ARMC3: variants seen among roughly 807,000 people sequenced by gnomAD.
ARMC3 encodes the protein armadillo repeat-containing protein 3.
Under a neutral mutation model 90.3 loss-of-function variants are expected in ARMC3, and 74 were observed. The ratio of observed to expected loss-of-function variants is 0.82; its 90% CI spans 0.68 to 0.99. The LOEUF (loss-of-function observed/expected upper bound fraction) is 0.99. Ranked by LOEUF, ARMC3 falls within the 50% of genes least tolerant of loss-of-function variation. The pLI, the probability that ARMC3 is intolerant of heterozygous loss-of-function variation, is 0.00. For missense variants in ARMC3, 958 were observed against 1,042.8 expected (o/e 0.92, Z 1.12); for synonymous variants, 334 against 361.8 (o/e 0.92, Z 0.87).
intron 10 of ARMC3, among the ~76,000 whole-genome samples, chr10:22,989,343 A>G (rs1772914604): frequency 6.6e-6 from 1 of 152,168 alleles, no homozygotes; most frequent in Non-Finnish European, 1.5e-5. Flanking sequence ...TGACGCATTC[A>G]TTGTACCGGT....
rs1839200964 is a variant in ARMC3, at chr10:23,038,520, A to G, written c.*1041A>G. Reference sequence around the variant, plus strand: ...TTATTTCAGAATAAATTTATTTCAAATGGCGTGGTAATTATATTTATCATA... The same window carrying G: ...TTATTTCAGAATAAATTTATTTCAAGTGGCGTGGTAATTATATTTATCATA... On this transcript the variant is annotated 3_prime_UTR_variant, in exon 19 of 19. Transcript: ENST00000298032. 6.6e-6 allele frequency: 1 copy of G among 152,144 alleles called. No individual in the cohort carries two copies. Among genetic ancestry groups the G allele is most frequent in the Non-Finnish European group, 1.5e-5 (1 of 68,016 alleles). 9.4% of individuals were successfully genotyped at this position (152,144 alleles called of 1,614,324 possible).
chr10:23,034,042 A>G (rs974447853), intron 18 of ARMC3, among the ~76,000 whole-genome samples: 2 of 152,216 alleles, frequency 1.3e-5, no homozygotes, highest in African/African-American at 4.8e-5. Flanking sequence ...AAACACTTAT[A>G]AACATCATTG....
At chr10:23,010,371 CTT>C in intron 16 of ARMC3, among the ~76,000 whole-genome samples, 1 of 116,090 alleles carries the variant, frequency 8.6e-6, no homozygotes, top group Admixed American at 9.0e-5. Context: ...CTCCCCTTTC[CTT>C]CCCTTCCTTC....
intron 4 of ARMC3, among the ~76,000 whole-genome samples, chr10:22,958,450 A>G (rs1488421890): frequency 6.6e-6 from 1 of 152,174 alleles, no homozygotes. Flanking sequence ...CTATTACACA[A>G]TAAATAAACG....
At chr10:22,966,873 A>G (rs1455881833) in intron 7 of ARMC3, among the ~76,000 whole-genome samples, 2 of 151,560 alleles carry the variant, frequency 1.3e-5, no homozygotes, top group Non-Finnish European at 2.9e-5. Context: ...TGATCCAATC[A>G]CCTCCCATCA....
intron 8 of ARMC3, among the ~76,000 whole-genome samples, chr10:22,970,388 C>T (rs182545327): frequency 6.6e-6 from 1 of 152,270 alleles, no homozygotes; most frequent in African/African-American, 2.4e-5. Context: ...ACTGAGCGCT[C>T]AGGCTATGGA....
At chr10:23,006,063 C>T (rs1379249114) in intron 13 of ARMC3, among the ~76,000 whole-genome samples, 1 of 151,978 alleles carries the variant, frequency 6.6e-6, no homozygotes, top group South Asian at 2.1e-4. Flanking sequence ...ACCTTAGTCC[C>T]GGGCAAATCT....
At chr10:22,974,768 A>C (rs537814920) in intron 8 of ARMC3, among the ~76,000 whole-genome samples, 1 of 151,984 alleles carries the variant, frequency 6.6e-6, no homozygotes, top group Admixed American at 6.6e-5. Flanking sequence ...CCAGCCTCCC[A>C]AGTAGCTGGG....
chr10:23,034,060 A>G lies in ARMC3; in HGVS notation c.2409+1037A>G, dbSNP rs79280199. Among the ~76,000 whole-genome samples the G allele has an allele frequency of 6.2e-3, 951 of 152,246 alleles. 6 individuals are homozygous for G. Among genetic ancestry groups the G allele is most frequent in the African/African-American group, 0.022 (914 of 41,556 alleles). On this transcript the variant is annotated intron_variant, in intron 18 of 18. Transcript: ENST00000298032. ...CACTTATAAACATCATTGCATTCACATGCAGCTTACCTCCAGTTCCAAGCG... is the reference window on the plus strand; with the variant it reads ...CACTTATAAACATCATTGCATTCACGTGCAGCTTACCTCCAGTTCCAAGCG...
intron 4 of ARMC3, among the ~76,000 whole-genome samples, chr10:22,958,643 G>A (rs1835055505): frequency 6.6e-6 from 1 of 152,204 alleles, no homozygotes; most frequent in Middle Eastern, 3.4e-3. Flanking sequence ...TTGTGGTTTT[G>A]AGCCTCAATT....
intron 13 of ARMC3, among the ~76,000 whole-genome samples, chr10:23,004,790 C>A (rs1053623747): frequency 1.3e-5 from 2 of 152,176 alleles, no homozygotes; most frequent in Non-Finnish European, 2.9e-5. Context: ...CTGCCTCCCC[C>A]ACCTCCTGCC....
In ARMC3 at chr10:23,037,512, A is replaced by T; in HGVS notation, c.*33A>T. 4 of 1,570,358 alleles carry T rather than the reference A, an allele frequency of 2.5e-6. No homozygotes were observed. Among genetic ancestry groups the T allele is most frequent in the Non-Finnish European group, 3.5e-6 (4 of 1,147,126 alleles). On this transcript the variant is annotated 3_prime_UTR_variant, in exon 19 of 19. Transcript: ENST00000298032. ...GACGAACACAAGAGAGGCTCAAACA[A>T]GAAATTCACTGTGTACACTCTCTAA...
rs1047094129 is a variant in ARMC3 at position 22,982,378 on chromosome 10, T to TCAAA, written c.1175+696_1175+699dup. On this transcript the variant is annotated intron_variant, in intron 10 of 18. Coordinates refer to ENST00000298032, the MANE Select transcript of ARMC3 (RefSeq NM_173081.5). ...GGGTGCAACAGAGCGAGGCTCCGCTTCAAACAAACAAACAAACAAACCAAA... is the reference window on the plus strand; with the variant it reads ...GGGTGCAACAGAGCGAGGCTCCGCTTCAAACAAACAAACAAACAAACAAACCAAA... Among the ~76,000 whole-genome samples, 18 of 152,322 alleles carry TCAAA rather than the reference T, an allele frequency of 1.2e-4. 1 individual carries two copies. In the South Asian group the frequency reaches 2.7e-3, roughly 23 times the overall value.
At chr10:23,034,616 C>T (rs1232992032) in intron 18 of ARMC3, among the ~76,000 whole-genome samples, 2 of 152,180 alleles carry the variant, frequency 1.3e-5, no homozygotes, top group African/African-American at 4.8e-5. Context: ...AGCTCCTTGT[C>T]ATTCTTTGGC....
At chr10:23,021,854 T>C (rs1838527331) in intron 16 of ARMC3, among the ~76,000 whole-genome samples, 1 of 152,198 alleles carries the variant, frequency 6.6e-6, no homozygotes, top group Non-Finnish European at 1.5e-5. Flanking sequence ...GCATTCTTTG[T>C]CTTATATATG....
intron 16 of ARMC3, among the ~76,000 whole-genome samples, chr10:23,030,165 A>G (rs949632273): frequency 6.6e-6 from 1 of 152,148 alleles, no homozygotes; most frequent in Non-Finnish European, 1.5e-5. Context: ...AAATTCTCCA[A>G]TTGTCATTGA....
At chr10:22,976,395 C>T (rs562739981) in intron 8 of ARMC3, among the ~76,000 whole-genome samples, 17 of 152,138 alleles carry the variant, frequency 1.1e-4, no homozygotes, top group Non-Finnish European at 4.4e-5. Flanking sequence ...CTCTCAACTC[C>T]GAAATCCTGC....
At chr10:22,965,407 C>T (rs1835401695) in intron 7 of ARMC3, among the ~76,000 whole-genome samples, 1 of 152,144 alleles carries the variant, frequency 6.6e-6, no homozygotes, top group Non-Finnish European at 1.5e-5. Flanking sequence ...GAAAATTCAG[C>T]CATTGAGCTG....
At chr10:22,972,358 AG>A (rs1268634715) in intron 8 of ARMC3, among the ~76,000 whole-genome samples, 3 of 152,150 alleles carry the variant, frequency 2.0e-5, no homozygotes, top group African/African-American at 4.8e-5. Flanking sequence ...ATTTTTATAT[AG>A]GGTATAAAAT....
Sources: allele counts gnomAD v4.1 joint callset (sites outside exome capture counted in the v4.1 genomes callset), GRCh38; gene constraint gnomAD v4.1.1; transcripts MANE v1.5; gene names NCBI Gene and HGNC (gene_info 2026-07-23, HGNC 2026-07-21).